ATXN1: variants seen among roughly 807,000 people sequenced by gnomAD.
ATXN1 encodes the protein ataxin 1.
Under a neutral mutation model 56.4 loss-of-function variants are expected in ATXN1, and 8 were observed. The observed-to-expected ratio is 0.14, with a 90% CI of 0.08 to 0.26. The LOEUF is 0.26. Among genes scored for constraint, ATXN1 ranks in the 10% least tolerant of loss-of-function variants. The pLI, the probability that ATXN1 is intolerant of heterozygous loss-of-function variation, is 1.00. For missense variants in ATXN1, 987 were observed against 1,106.5 expected (o/e 0.89, Z 1.53); for synonymous variants, 514 against 494.6 (o/e 1.04, Z -0.52).
intron 6 of ATXN1, among the ~76,000 whole-genome samples, chr6:16,395,704 G>A (rs1345315751): frequency 6.6e-6 from 1 of 152,028 alleles, no homozygotes; most frequent in Admixed American, 6.6e-5. Context: ...ATTTGAGAGT[G>A]GACTCTTTCT....
At chr6:16,430,107 T>A (rs1381456907) in intron 6 of ATXN1, among the ~76,000 whole-genome samples, 1 of 152,132 alleles carries the variant, frequency 6.6e-6, no homozygotes, top group Non-Finnish European at 1.5e-5. Flanking sequence ...TGAAGTTTAC[T>A]GATACATTGC....
rs1443387097 is a variant in ATXN1, at chr6:16,567,528, C to A, written c.-361+18252G>T. On this transcript the variant is annotated intron_variant, in intron 4 of 7. Transcript: ENST00000436367. ...AAGTATTCTTTTTAATATGGAAGCA[C>A]ATCACCCTGACAATCTAACTCTGAC... is the stretch of plus-strand genomic sequence containing the variant. Among the ~76,000 whole-genome samples, 6 of 152,272 alleles carry A rather than the reference C, an allele frequency of 3.9e-5. No individual in the cohort carries two copies. The East Asian group carries it at 1.2e-3, about 29-fold the overall frequency.
At chr6:16,602,536 T>A (rs1039796010) in intron 3 of ATXN1, among the ~76,000 whole-genome samples, 2 of 151,858 alleles carry the variant, frequency 1.3e-5, no homozygotes, top group Non-Finnish European at 2.9e-5. Context: ...ACTGCAACCT[T>A]CGCCTCCTGG....
At chr6:16,425,644 G>A (rs1366152473) in intron 6 of ATXN1, among the ~76,000 whole-genome samples, 1 of 152,142 alleles carries the variant, frequency 6.6e-6, no homozygotes, top group Non-Finnish European at 1.5e-5. Context: ...ACAAAGAGAT[G>A]GGAAGATTTC....
intron 7 of ATXN1, among the ~76,000 whole-genome samples, chr6:16,310,861 G>C (rs549115667): frequency 9.2e-5 from 14 of 152,312 alleles, no homozygotes; most frequent in Non-Finnish European, 2.1e-4. Flanking sequence ...AACTTTAAAA[G>C]TAGTAGATTT....
chr6:16,717,652 C>A (rs950261245), intron 2 of ATXN1, among the ~76,000 whole-genome samples: 2 of 152,064 alleles, frequency 1.3e-5, no homozygotes, highest in African/African-American at 2.4e-5. Context: ...GTTTCCACTG[C>A]GGATTAACAT....
At chr6:16,341,873 AGTG>A (rs1261134455) in intron 6 of ATXN1, among the ~76,000 whole-genome samples, 1 of 121,774 alleles carries the variant, frequency 8.2e-6, no homozygotes, top group African/African-American at 3.1e-5. Flanking sequence ...AGTATGTCTC[AGTG>A]ATTTTTTTTT....
In ATXN1 at chr6:16,499,469, T is replaced by C. The variant is rs1207230878; in HGVS notation, c.-298-13360A>G. Among the ~76,000 whole-genome samples the C allele has an allele frequency of 7.2e-5, 11 of 152,346 alleles. No individual in the cohort carries two copies. The East Asian group carries it at 2.1e-3, about 29-fold the overall frequency. ...GAATGATGACCCACCAGAGCCATGA[T>C]GCTGAGCTTTCAGGGAAGCCAACCA... On this transcript the variant is annotated intron_variant, in intron 5 of 7. Coordinates refer to ENST00000436367, the MANE Select transcript of ATXN1 (RefSeq NM_001128164.2).
At chr6:16,332,457 T>TA (rs1363131171) in intron 6 of ATXN1, among the ~76,000 whole-genome samples, 2 of 152,336 alleles carry the variant, frequency 1.3e-5, no homozygotes, top group Non-Finnish European at 2.9e-5. Flanking sequence ...TTTCTGCTCT[T>TA]AGAGTCTCTA....
intron 5 of ATXN1, among the ~76,000 whole-genome samples, chr6:16,503,903 C>T (rs550797608): frequency 1.3e-4 from 20 of 152,272 alleles, no homozygotes; most frequent in African/African-American, 4.3e-4. Flanking sequence ...AGTACGTTCA[C>T]AATGATGCAC....
intron 2 of ATXN1, among the ~76,000 whole-genome samples, chr6:16,691,765 G>A (rs1013690883): frequency 6.6e-6 from 1 of 152,228 alleles, no homozygotes; most frequent in African/African-American, 2.4e-5. Context: ...CACTGTTTAT[G>A]CCTTGGCCTG....
chr6:16,604,638 T>G (rs1454119659), intron 3 of ATXN1, among the ~76,000 whole-genome samples: 3 of 147,752 alleles, frequency 2.0e-5, no homozygotes, highest in Admixed American at 6.9e-5. Context: ...CAGGCTAGAG[T>G]GCAGTGGTAC....
intron 6 of ATXN1, chr6:16,485,687 G>C (rs776120219): frequency 6.6e-6 from 1 of 152,106 alleles, no homozygotes; most frequent in Non-Finnish European, 1.5e-5. Flanking sequence ...CAGTAGAAAA[G>C]GTGTTCCTAC....
intron 6 of ATXN1, among the ~76,000 whole-genome samples, chr6:16,404,691 C>T (rs1229208659): frequency 1.5e-5 from 2 of 132,016 alleles, no homozygotes; most frequent in Non-Finnish European, 3.1e-5. Flanking sequence ...CATGCACGCG[C>T]ACTCGCGCGC....
intron 2 of ATXN1, among the ~76,000 whole-genome samples, chr6:16,677,869 T>C (rs1376690698): frequency 2.0e-5 from 3 of 152,256 alleles, no homozygotes; most frequent in Non-Finnish European, 4.4e-5. Flanking sequence ...ATTTTCTATA[T>C]TTACAGTGCA....
intron 4 of ATXN1, among the ~76,000 whole-genome samples, chr6:16,579,838 C>T (rs1762496671): frequency 6.6e-6 from 1 of 151,820 alleles, no homozygotes; most frequent in African/African-American, 2.4e-5. Flanking sequence ...GGCTCTGTGG[C>T]TCCCATTTTA....
chr6:16,710,358 G>C (rs189749515), intron 2 of ATXN1, among the ~76,000 whole-genome samples: 69 of 152,210 alleles, frequency 4.5e-4, no homozygotes, highest in Non-Finnish European at 8.5e-4. Flanking sequence ...TATTGTTAAG[G>C]TGAATTTTCC....
intron 6 of ATXN1, among the ~76,000 whole-genome samples, chr6:16,352,131 G>A (rs1414816474): frequency 6.6e-6 from 1 of 152,126 alleles, no homozygotes; most frequent in Non-Finnish European, 1.5e-5. Flanking sequence ...ATAGTTTCGC[G>A]AATAATATAG....
chr6:16,403,134 C>T (rs1758612631), intron 6 of ATXN1, among the ~76,000 whole-genome samples: 1 of 152,122 alleles, frequency 6.6e-6, no homozygotes, highest in Non-Finnish European at 1.5e-5. Context: ...CACACATGTA[C>T]ACACACATAC....
Sources: gnomAD v4.1 joint callset for allele counts (sites outside exome capture counted in the v4.1 genomes callset) on GRCh38, gnomAD v4.1.1 for gene constraint, MANE v1.5 for transcripts, NCBI Gene and HGNC (gene_info 2026-07-23, HGNC 2026-07-21) for gene names.